The following LPP variants were observed in gnomAD, a reference collection of about 807,000 sequenced individuals.
LPP encodes the protein LIM domain containing preferred translocation partner in lipoma, also known as lipoma-preferred partner.
Under a neutral mutation model 60.4 loss-of-function variants are expected in LPP, and 38 were observed. That is an observed-to-expected ratio of 0.63 (90% confidence interval 0.49 to 0.83). The LOEUF (loss-of-function observed/expected upper bound fraction) is 0.83. Ranked by LOEUF, LPP falls within the 40% of genes least tolerant of loss-of-function variation. The pLI is 0.00. For synonymous variants in LPP, 328 were observed against 290.8 expected, an observed-to-expected ratio of 1.13 and a Z score of -1.30; for missense variants, 902 against 783.6, an observed-to-expected ratio of 1.15 and a Z score of -1.80.
intron 2 of LPP, among the ~76,000 whole-genome samples, chr3:188,241,114 C>T (rs1724539057): frequency 6.6e-6 from 1 of 152,230 alleles, no homozygotes; most frequent in African/African-American, 2.4e-5. Flanking sequence ...GTTAATGTTC[C>T]ACGTAGTGGC....
intron 5 of LPP, among the ~76,000 whole-genome samples, chr3:188,503,993 G>C (rs995732944): frequency 6.6e-6 from 1 of 152,180 alleles, no homozygotes; most frequent in Admixed American, 6.5e-5. Flanking sequence ...CAAATTTGGG[G>C]GAGTTTTTGG....
chr3:188,229,942 C>T (rs1719244524), intron 2 of LPP, among the ~76,000 whole-genome samples: 1 of 152,116 alleles, frequency 6.6e-6, no homozygotes, highest in Admixed American at 6.6e-5. Context: ...TATGTGTTTG[C>T]TGCCCTGATC....
chr3:188,318,557 T>C (rs947855431), intron 2 of LPP, among the ~76,000 whole-genome samples: 1 of 152,106 alleles, frequency 6.6e-6, no homozygotes, highest in Non-Finnish European at 1.5e-5. Flanking sequence ...TCGGCTCATA[T>C]AATTTCAGCT....
intron 5 of LPP, among the ~76,000 whole-genome samples, chr3:188,492,049 A>C (rs1365931628): frequency 6.6e-6 from 1 of 152,114 alleles, no homozygotes; most frequent in African/African-American, 2.4e-5. Context: ...AATTTGTGAC[A>C]CATTTATACT....
Position 188,692,037 on chromosome 3 carries a change from A to G in LPP, c.1114-16230A>G, listed in dbSNP as rs1056903249. On this transcript the variant is annotated intron_variant, in intron 7 of 11. Coordinates refer to ENST00000617246, the MANE Select transcript of LPP (RefSeq NM_001375462.1). ...CAAAAAAATCTTGGCTTCCTTCATGATGCTTGCCCCTAGAGTGTCAGCATA... is the reference window on the plus strand; with the variant it reads ...CAAAAAAATCTTGGCTTCCTTCATGGTGCTTGCCCCTAGAGTGTCAGCATA... Among the ~76,000 whole-genome samples, 7 of 152,264 alleles carry G rather than the reference A, an allele frequency of 4.6e-5. No homozygotes were observed. The East Asian group carries it at 1.3e-3, about 29-fold the overall frequency.
intron 6 of LPP, among the ~76,000 whole-genome samples, chr3:188,559,603 A>T (rs1005263004): frequency 4.6e-5 from 7 of 152,044 alleles, no homozygotes; most frequent in African/African-American, 1.7e-4. Context: ...TAGAGTCAAT[A>T]GTTTCACTCA....
At chr3:188,512,583 A>ATAAG (rs1349359951) in intron 5 of LPP, among the ~76,000 whole-genome samples, 1 of 151,364 alleles carries the variant, frequency 6.6e-6, no homozygotes, top group Non-Finnish European at 1.5e-5. Flanking sequence ...AAATAAATAA[A>ATAAG]TAAATAAATA....
At chr3:188,702,340 CTT>C (rs111321221) in intron 7 of LPP, among the ~76,000 whole-genome samples, 2 of 118,940 alleles carry the variant, frequency 1.7e-5, no homozygotes, top group African/African-American at 2.7e-5. Context: ...TCTTCTTCTT[CTT>C]TTTTTTTTTT....
intron 7 of LPP, among the ~76,000 whole-genome samples, chr3:188,646,542 A>G (rs553414163): frequency 6.6e-6 from 1 of 152,332 alleles, no homozygotes; most frequent in Non-Finnish European, 1.5e-5. Flanking sequence ...TGAGGCCCGT[A>G]GGAGTCAGGT....
chr3:188,734,046 G>A (rs1202987106), intron 8 of LPP, among the ~76,000 whole-genome samples: 1 of 151,842 alleles, frequency 6.6e-6, no homozygotes, highest in Non-Finnish European at 1.5e-5. Context: ...TTTAACGTTT[G>A]CCTTATTATT....
chr3:188,333,536 C>G (rs1222625719), intron 2 of LPP, among the ~76,000 whole-genome samples: 1 of 152,112 alleles, frequency 6.6e-6, no homozygotes, highest in Admixed American at 6.6e-5. Flanking sequence ...TTAAACTAAG[C>G]TTTTGAGTGA....
At chr3:188,688,644 G>T in intron 7 of LPP, 1 of 390,078 alleles carries the variant, frequency 2.6e-6, no homozygotes, top group Non-Finnish European at 5.0e-6. Flanking sequence ...GAAGTCAGAT[G>T]AGTAATATAA....
At chr3:188,218,863 C>T (rs996937972) in intron 1 of LPP, among the ~76,000 whole-genome samples, 2 of 151,930 alleles carry the variant, frequency 1.3e-5, no homozygotes, top group Non-Finnish European at 2.9e-5. Context: ...TGGATTATTC[C>T]CTTATGTATA....
At chr3:188,199,714 T>A (rs1233808830) in intron 1 of LPP, among the ~76,000 whole-genome samples, 1 of 145,298 alleles carries the variant, frequency 6.9e-6, no homozygotes, top group Non-Finnish European at 1.5e-5. Flanking sequence ...CTATTTTGGA[T>A]TTTTTTTTTT....
intron 5 of LPP, among the ~76,000 whole-genome samples, chr3:188,522,173 G>A (rs1159539534): frequency 6.6e-6 from 1 of 152,072 alleles, no homozygotes; most frequent in East Asian, 1.9e-4. Context: ...TAATCAGACT[G>A]GAAATTCAGA....
intron 1 of LPP, chr3:188,212,722 CCTTCAGG>C (rs1372890644): frequency 6.7e-6 from 1 of 150,074 alleles, no homozygotes; most frequent in Non-Finnish European, 1.5e-5. Context: ...AGTTCTGTTC[CCTTCAGG>C]CTTCGAGACC....
At chr3:188,857,132 T>C (rs1268185910) in intron 9 of LPP, among the ~76,000 whole-genome samples, 1 of 152,180 alleles carries the variant, frequency 6.6e-6, no homozygotes, top group Non-Finnish European at 1.5e-5. Flanking sequence ...TGGGCAAATA[T>C]ACCACAATAG....
At chr3:188,569,601 T>A (rs556933132) in intron 6 of LPP, among the ~76,000 whole-genome samples, 1 of 152,160 alleles carries the variant, frequency 6.6e-6, no homozygotes, top group Admixed American at 6.6e-5. Flanking sequence ...AATTCACTTA[T>A]TTTTCTTAGT....
chr3:188,886,992 T>G lies in LPP; in HGVS notation c.*12513T>G, dbSNP rs1443925250. The stretch of plus-strand genomic sequence containing the variant: ...TATTTATCTCTCATGCGTGATTCTC[T>G]CTTTATATTTCTATCTGTTGGGAAA... On this transcript the variant is annotated 3_prime_UTR_variant, in exon 12 of 12. Coordinates refer to ENST00000617246, the MANE Select transcript of LPP (RefSeq NM_001375462.1). 4.3e-6 allele frequency: 1 copy of G among 231,494 alleles called. No homozygotes were observed. Among genetic ancestry groups the G allele is most frequent in the Non-Finnish European group, 8.5e-6 (1 of 117,036 alleles). 14.3% of individuals were successfully genotyped at this position (231,494 alleles called of 1,614,324 possible). A position where few individuals can be genotyped will look rare whatever the true frequency, so the allele number is the denominator to read the frequency against.
Sources: gnomAD v4.1 joint callset for allele counts (sites outside exome capture counted in the v4.1 genomes callset) on GRCh38, gnomAD v4.1.1 for gene constraint, MANE v1.5 for transcripts, NCBI Gene and HGNC (gene_info 2026-07-23, HGNC 2026-07-21) for gene names.